PRKCH: variants seen among roughly 807,000 people sequenced by gnomAD.
The protein encoded by PRKCH is protein kinase C eta type.
Under a neutral mutation model 82.5 loss-of-function variants are expected in PRKCH, and 28 were observed. The observed-to-expected ratio is 0.34, with a 90% confidence interval of 0.25 to 0.47. The LOEUF (loss-of-function observed/expected upper bound fraction) is 0.47, where lower values mean the gene tolerates loss of function less well. PRKCH is among the 20% of genes least tolerant of loss of function. The probability of loss-of-function intolerance (pLI) is 1.00; values close to 1 mark genes in which losing one functional copy is unlikely to be tolerated. For missense variants in PRKCH, 705 were observed against 881.8 expected, an observed-to-expected ratio of 0.80 and a Z score of 2.54; for synonymous variants, 322 against 327.4, an observed-to-expected ratio of 0.98 and a Z score of 0.18.
intron 1 of PRKCH, among the ~76,000 whole-genome samples, chr14:61,327,569 G>T (rs1055229224): frequency 1.3e-5 from 2 of 152,232 alleles, no homozygotes; most frequent in South Asian, 4.1e-4. Context: ...TCACAAACAG[G>T]TTGTGGCTCA....
chr14:61,348,450 T>A (rs1002121731), intron 1 of PRKCH, among the ~76,000 whole-genome samples: 1 of 152,232 alleles, frequency 6.6e-6, no homozygotes, highest in African/African-American at 2.4e-5. Context: ...AAGCTTTGCC[T>A]CCACCTCTGA....
intron 12 of PRKCH, among the ~76,000 whole-genome samples, chr14:61,533,604 T>C (rs1325168011): frequency 6.6e-6 from 1 of 152,208 alleles, no homozygotes; most frequent in Non-Finnish European, 1.5e-5. Flanking sequence ...TGTGTGACCT[T>C]GGGCAAATGG....
Position 61,449,172 on chromosome 14 carries a change from T to G in PRKCH, c.622T>G (p.Cys208Gly). 6.2e-7 allele frequency: 1 copy of G among 1,613,772 alleles called. No individual in the cohort carries two copies. The highest frequency in any genetic ancestry group is 8.5e-7 in the Non-Finnish European group (1 of 1,179,646). Residue 208 changes from cysteine (C) to glycine (G), a missense_variant, in exon 5 of 14, where the codon TGT becomes GGT. Cys to Gly is a radical substitution (Grantham distance 159). Around this residue, in one of 5 missense-constraint regions of PRKCH, gnomAD observed 246 missense variants for 308.0 expected, o/e 0.80. Transcript: ENST00000332981. ...KQGYQCQVCTCVVHKRCHHLI... is the reference protein window; with the variant it reads ...KQGYQCQVCTGVVHKRCHHLI... ...TGGATTTAATTTCCTAGTGTGCACC[T>G]GTGTCGTCCATAAACGCTGCCATCA...
At chr14:61,397,099 G>A (rs1434001937) in intron 2 of PRKCH, among the ~76,000 whole-genome samples, 1 of 152,168 alleles carries the variant, frequency 6.6e-6, no homozygotes, top group Non-Finnish European at 1.5e-5. Context: ...GACTTGGAAG[G>A]TTGTCTCAGG....
intron 1 of PRKCH, among the ~76,000 whole-genome samples, chr14:61,273,777 TTAGA>T (rs1162920406): frequency 6.6e-6 from 1 of 152,234 alleles, no homozygotes; most frequent in African/African-American, 2.4e-5. Flanking sequence ...TCTTACATTA[TTAGA>T]TGCATCTCTG....
intron 2 of PRKCH, among the ~76,000 whole-genome samples, chr14:61,401,742 T>C (rs73320018): frequency 0.023 from 3,578 of 152,352 alleles, 127 homozygotes; most frequent in African/African-American, 0.082. Flanking sequence ...TTTGTAACAT[T>C]CTGTGTGACA....
intron 9 of PRKCH, among the ~76,000 whole-genome samples, chr14:61,475,258 A>G (rs1885679352): frequency 6.6e-6 from 1 of 152,272 alleles, no homozygotes; most frequent in African/African-American, 2.4e-5. Flanking sequence ...TATGTGAAAT[A>G]ATGACTTGAA....
At chr14:61,299,185 A>G (rs1228055565) in intron 1 of PRKCH, among the ~76,000 whole-genome samples, 1 of 152,194 alleles carries the variant, frequency 6.6e-6, no homozygotes, top group Non-Finnish European at 1.5e-5. Context: ...ACTGGTGGAC[A>G]TGGGTACAGG....
chr14:61,312,427 T>C (rs1001014624), intron 1 of PRKCH, among the ~76,000 whole-genome samples: 1 of 152,174 alleles, frequency 6.6e-6, no homozygotes, highest in Non-Finnish European at 1.5e-5. Context: ...AACAATATAT[T>C]GAGAAAGTCT....
chr14:61,243,945 A>C (rs2882773), intron 1 of PRKCH, among the ~76,000 whole-genome samples: 130,744 of 150,628 alleles, frequency 0.87, 57,207 homozygotes, highest in Non-Finnish European at 0.93. Flanking sequence ...ACCTCATCTT[A>C]ATTAAAAAAA....
chr14:61,399,713 TG>T (rs1881496238), intron 2 of PRKCH, among the ~76,000 whole-genome samples: 1 of 152,188 alleles, frequency 6.6e-6, no homozygotes, highest in South Asian at 2.1e-4. Context: ...GAAGGATTAA[TG>T]GTAGAAGTAT....
chr14:61,507,749 G>A (rs1887213378), intron 10 of PRKCH, among the ~76,000 whole-genome samples: 1 of 152,032 alleles, frequency 6.6e-6, no homozygotes, highest in South Asian at 2.1e-4. Flanking sequence ...GGAGTAGAAT[G>A]GTGGTTGCCA....
intron 1 of PRKCH, among the ~76,000 whole-genome samples, chr14:61,251,215 C>T (rs10131465): frequency 0.04 from 6,146 of 152,190 alleles, 394 homozygotes; most frequent in African/African-American, 0.14. Flanking sequence ...ACAAACAATC[C>T]AGCTAGACTC....
At chr14:61,281,034 GAGCGGCAGCGCGATGCTGGCCGACAGC>G (rs1488747197) in intron 1 of PRKCH, 1 of 1,531,350 alleles carries the variant, frequency 6.5e-7, no homozygotes, top group Admixed American at 2.0e-5. Flanking sequence ...CGCAGAAGAA[GAGCGGCAGCGCGATGCTGGCCGACAGC>G]AGCGGCTGCC....
At chr14:61,330,939 C>T (rs943435413) in intron 1 of PRKCH, among the ~76,000 whole-genome samples, 2 of 123,558 alleles carry the variant, frequency 1.6e-5, no homozygotes, top group South Asian at 3.2e-4. Flanking sequence ...CTAACACTAA[C>T]GATAGCTGAT....
chr14:61,505,771 T>C (rs1887122395), intron 10 of PRKCH, among the ~76,000 whole-genome samples: 1 of 152,146 alleles, frequency 6.6e-6, no homozygotes, highest in Admixed American at 6.5e-5. Flanking sequence ...ACAGTCACAT[T>C]GAAGGTTAAG....
intron 1 of PRKCH, among the ~76,000 whole-genome samples, chr14:61,370,118 A>G (rs767389575): frequency 1.3e-5 from 2 of 151,644 alleles, no homozygotes; most frequent in Non-Finnish European, 2.9e-5. Flanking sequence ...TAATTTTTGT[A>G]TTTTTAGTAG....
chr14:61,299,659 A>G (rs1237128454), intron 1 of PRKCH: 3 of 150,756 alleles, frequency 2.0e-5, no homozygotes, highest in African/African-American at 5.0e-5. Flanking sequence ...ATAGTACCAC[A>G]GCATCCTTGT....
chr14:61,520,672 ATGAAGT>A (rs1260427207), intron 10 of PRKCH, among the ~76,000 whole-genome samples: 1 of 152,230 alleles, frequency 6.6e-6, no homozygotes, highest in Admixed American at 6.5e-5. Context: ...TAGTCAAGAA[ATGAAGT>A]TGAAACAATG....
Sources: gnomAD v4.1 joint callset for allele counts (sites outside exome capture counted in the v4.1 genomes callset) on GRCh38, gnomAD v4.1.1 for gene constraint, gnomAD v4.1.1 regional missense constraint, MANE v1.5 for transcripts, NCBI Gene and HGNC (gene_info 2026-07-23, HGNC 2026-07-21) for gene names.